Variants in MICAL3 observed in about 807,000 individuals in gnomAD.
The protein encoded by MICAL3 is microtubule associated monooxygenase, calponin and LIM domain containing 3.
In MICAL3, 62 loss-of-function variants were observed where a neutral mutation model predicts 207.4. The observed-to-expected ratio is 0.30, with a 90% CI of 0.24 to 0.37. The LOEUF is 0.37. Among genes scored for constraint, MICAL3 ranks in the 10% least tolerant of loss-of-function variants. The pLI, the probability that MICAL3 is intolerant of heterozygous loss-of-function variation, is 1.00. For missense variants in MICAL3, 2,368 were observed against 2,635.6 expected (o/e 0.90, Z 2.22); for synonymous variants, 1,077 against 1,069.3 (o/e 1.01, Z -0.14).
At chr22:17,968,323 C>G (rs552239566) in intron 1 of MICAL3, among the ~76,000 whole-genome samples, 1 of 152,164 alleles carries the variant, frequency 6.6e-6, no homozygotes, top group East Asian at 1.9e-4. Flanking sequence ...GAGCTCAGAC[C>G]CGCCCTACTG....
chr22:17,864,432 G>A, intron 19 of MICAL3: 1 of 1,404,594 alleles, frequency 7.1e-7, no homozygotes, highest in Non-Finnish European at 9.2e-7. Context: ...CAAGACCACG[G>A]GGCTTAATCA....
chr22:17,832,621 A>C (rs1922924278), intron 20 of MICAL3, among the ~76,000 whole-genome samples: 1 of 152,166 alleles, frequency 6.6e-6, no homozygotes, highest in African/African-American at 2.4e-5. Context: ...ATATAAACCC[A>C]TGACCCTGGG....
intron 26 of MICAL3, 33 bp from the exon 27 acceptor site, chr22:17,816,817 G>A (rs993538209): frequency 6.1e-6 from 9 of 1,485,402 alleles, no homozygotes; most frequent in Middle Eastern, 1.8e-4. Context: ...TGAGGACAGC[G>A]CCAGACAGCA....
intron 1 of MICAL3, among the ~76,000 whole-genome samples, chr22:17,989,332 A>G (rs1921402092): frequency 6.6e-6 from 1 of 152,168 alleles, no homozygotes; most frequent in East Asian, 1.9e-4. Flanking sequence ...CTCTGCTCCC[A>G]CAGCTCCCTA....
At chr22:17,853,255 A>G (rs1459438995) in intron 19 of MICAL3, among the ~76,000 whole-genome samples, 1 of 152,182 alleles carries the variant, frequency 6.6e-6, no homozygotes, top group Non-Finnish European at 1.5e-5. Flanking sequence ...ATGGAGATTT[A>G]ACCGTGCTTC....
intron 1 of MICAL3, among the ~76,000 whole-genome samples, chr22:17,912,909 T>C (rs1219958153): frequency 1.3e-5 from 2 of 152,252 alleles, no homozygotes; most frequent in African/African-American, 2.4e-5. Context: ...TTCCTGATCA[T>C]ACGAGGAAAA....
At chr22:17,921,222 T>C (rs1478848716) in intron 1 of MICAL3, among the ~76,000 whole-genome samples, 2 of 152,208 alleles carry the variant, frequency 1.3e-5, no homozygotes, top group Admixed American at 1.3e-4. Context: ...TGTTATCTCA[T>C]GTAAAAAGGC....
chr22:17,953,970 A>G (rs912023051), intron 1 of MICAL3, among the ~76,000 whole-genome samples: 3 of 140,578 alleles, frequency 2.1e-5, no homozygotes, highest in Non-Finnish European at 4.6e-5. Flanking sequence ...AAAAAAAAGA[A>G]AAGAAAAAGA....
At chr22:17,864,658 T>G in intron 19 of MICAL3, 1 of 1,600,656 alleles carries the variant, frequency 6.2e-7, no homozygotes, top group Non-Finnish European at 8.5e-7. Flanking sequence ...GCCCCATCAC[T>G]GGGCCACAGC....
Position 17,902,920 on chromosome 22 carries a change from A to G in MICAL3, c.473-173T>C, listed in dbSNP as rs77397613. Among the ~76,000 whole-genome samples the G allele has an allele frequency of 0.01, 1,547 of 152,320 alleles. 23 individuals carry two copies. Among genetic ancestry groups the G allele is most frequent in the African/African-American group, 0.035 (1,470 of 41,564 alleles). ...GCTCTGTAACTTCTTCCTTTCTTAA[A>G]GGCAAATATAACCCAGTGGAAGAGC... On this transcript the variant is annotated intron_variant, in intron 3 of 31. Transcript: ENST00000441493. This position sits in a 1 kb window ranked among gnomAD's most constrained non-coding sequence, Gnocchi z 4.5.
chr22:17,899,947 C>T (rs1019809349), intron 6 of MICAL3, among the ~76,000 whole-genome samples: 3 of 152,102 alleles, frequency 2.0e-5, no homozygotes, highest in South Asian at 2.1e-4. Flanking sequence ...GACAACTTGA[C>T]GCCTGGAAGC....
chr22:17,797,043 G>T (rs1221518165), intron 29 of MICAL3, among the ~76,000 whole-genome samples: 1 of 152,112 alleles, frequency 6.6e-6, no homozygotes, highest in Non-Finnish European at 1.5e-5. Flanking sequence ...CCGGGCAGCT[G>T]GAAAAACAAG....
At chr22:17,832,269 T>C (rs945157158) in intron 20 of MICAL3, among the ~76,000 whole-genome samples, 162 bp from the exon 21 acceptor site, 1 of 152,072 alleles carries the variant, frequency 6.6e-6, no homozygotes, top group African/African-American at 2.4e-5. Context: ...CAGGACAGGG[T>C]ACCTGGGCAT....
intron 1 of MICAL3, among the ~76,000 whole-genome samples, chr22:17,925,825 G>A (rs1193221897): frequency 6.6e-6 from 1 of 152,118 alleles, no homozygotes; most frequent in Non-Finnish European, 1.5e-5. Context: ...CCACAGCCAA[G>A]GCATCAAACA....
rs1929580775 is a variant in MICAL3 at position 17,883,091 on chromosome 22, A to G, written c.2241+2787T>C. Among the ~76,000 whole-genome samples the G allele has an allele frequency of 2.0e-5, 3 of 152,166 alleles. No individual in the cohort carries two copies. In the South Asian group the frequency reaches 6.2e-4, roughly 32 times the overall value. Reference sequence around the variant, plus strand: ...ATACTGTAAGAGGTTTTGGAATCCAATTTGGAGTTCACCTTCCCCTGCAAC... The same window carrying G: ...ATACTGTAAGAGGTTTTGGAATCCAGTTTGGAGTTCACCTTCCCCTGCAAC... On this transcript the variant is annotated intron_variant, in intron 16 of 31. Transcript: ENST00000441493.
At chr22:18,000,397 A>G (rs1922809797) in intron 1 of MICAL3, among the ~76,000 whole-genome samples, 1 of 152,266 alleles carries the variant, frequency 6.6e-6, no homozygotes, top group South Asian at 2.1e-4. Flanking sequence ...CTTTCTCTGC[A>G]TTCAGAGTCA....
At chr22:17,870,558 C>T (rs929137020) in intron 17 of MICAL3, among the ~76,000 whole-genome samples, 6 of 152,142 alleles carry the variant, frequency 3.9e-5, no homozygotes, top group Non-Finnish European at 2.9e-5. Flanking sequence ...CTGCACCTTG[C>T]GACATCTTCT....
At chr22:18,001,779 G>A (rs915581604) in intron 1 of MICAL3, among the ~76,000 whole-genome samples, 1 of 152,260 alleles carries the variant, frequency 6.6e-6, no homozygotes, top group Non-Finnish European at 1.5e-5. Context: ...AGCCCAACGG[G>A]AGACGGGAAA....
chr22:17,872,722 C>T, intron 16 of MICAL3: 1 of 1,415,080 alleles, frequency 7.1e-7, no homozygotes, highest in Non-Finnish European at 1.0e-6. Flanking sequence ...GGTCTAGCTA[C>T]ACAGTGCCTG....
Sources: gnomAD v4.1 joint callset for allele counts (sites outside exome capture counted in the v4.1 genomes callset) on GRCh38, gnomAD v4.1.1 for gene constraint, Gnocchi (gnomAD v3.1) non-coding constraint, MANE v1.5 for transcripts, NCBI Gene and HGNC (gene_info 2026-07-23, HGNC 2026-07-21) for gene names.